Variants in ZNF578 observed in about 807,000 individuals in gnomAD.
The protein encoded by ZNF578 is Putative chemokine-related protein B42.
Under a neutral mutation model 8.3 loss-of-function variants are expected in ZNF578, and 8 were observed. The ratio of observed to expected loss-of-function variants is 0.96; its 90% CI spans 0.56 to 1.74. ZNF578 has a LOEUF of 1.74. ZNF578 is among the 40% of genes most tolerant of loss of function. The probability of loss-of-function intolerance (pLI) is 0.00; values close to 1 mark genes in which losing one functional copy is unlikely to be tolerated. For missense variants in ZNF578, 726 were observed against 707.5 expected (o/e 1.03, Z -0.30); for synonymous variants, 206 against 232.2 (o/e 0.89, Z 1.03).
At chr19:52,478,805 C>T (rs2059316020) in intron 2 of ZNF578, among the ~76,000 whole-genome samples, 1 of 151,960 alleles carries the variant, frequency 6.6e-6, no homozygotes, top group African/African-American at 2.4e-5. Context: ...CCTCTGCCTC[C>T]CGGGTTCAAG....
At chr19:52,503,800 C>CTTTTTTTTTTTTTTTTTTTTTTTTT in intron 4 of ZNF578, among the ~76,000 whole-genome samples, 1 of 125,516 alleles carries the variant, frequency 8.0e-6, no homozygotes, top group Non-Finnish European at 1.7e-5. Context: ...CCTGTGTTTG[C>CTTTTTTTTTTTTTTTTTTTTTTTTT]TTTTTTTTTT....
At chr19:52,475,612 A>T (rs980285853) in intron 2 of ZNF578, among the ~76,000 whole-genome samples, 1 of 152,126 alleles carries the variant, frequency 6.6e-6, no homozygotes, top group Non-Finnish European at 1.5e-5. Context: ...CCGCCTCGGC[A>T]TCTCAAAGTG....
chr19:52,472,021 T>G (rs934032667), intron 2 of ZNF578, among the ~76,000 whole-genome samples: 8 of 152,236 alleles, frequency 5.3e-5, no homozygotes, highest in African/African-American at 1.9e-4. Context: ...TATTACTATA[T>G]TGGTATACTT....
intron 2 of ZNF578, chr19:52,473,349 A>T (rs979159): frequency 0.9 from 157,893 of 174,840 alleles, 71,950 homozygotes; most frequent in Non-Finnish European, 0.96. Context: ...CTGTGATGAT[A>T]TGCAAGATGT....
chr19:52,459,185 T>C (rs1337921143), intron 2 of ZNF578, among the ~76,000 whole-genome samples: 1 of 152,230 alleles, frequency 6.6e-6, no homozygotes, highest in Non-Finnish European at 1.5e-5. Context: ...TTCACGTTAC[T>C]GTGCAACATA....
At chr19:52,494,349 T>C (rs1470590169) in intron 3 of ZNF578, among the ~76,000 whole-genome samples, 5 of 151,936 alleles carry the variant, frequency 3.3e-5, no homozygotes, top group African/African-American at 1.2e-4. Context: ...AAAAAAAATT[T>C]AACGGGGCAT....
At chr19:52,466,064 G>T (rs2059274136) in intron 2 of ZNF578, among the ~76,000 whole-genome samples, 1 of 152,232 alleles carries the variant, frequency 6.6e-6, no homozygotes, top group Admixed American at 6.5e-5. Flanking sequence ...AAAAGGCCCT[G>T]ATCTCTGGTC....
chr19:52,493,660 T>A (rs1458263509), intron 3 of ZNF578, among the ~76,000 whole-genome samples: 1 of 151,494 alleles, frequency 6.6e-6, no homozygotes, highest in African/African-American at 2.4e-5. Flanking sequence ...ATATAGAGAT[T>A]GAGGACGATC....
chr19:52,479,650 T>C (rs2059319330), intron 2 of ZNF578, among the ~76,000 whole-genome samples: 1 of 151,954 alleles, frequency 6.6e-6, no homozygotes, highest in African/African-American at 2.4e-5. Context: ...GGGAAACCAG[T>C]TTTACCATTG....
intron 2 of ZNF578, chr19:52,475,331 TTTTTCTTTC>T (rs1028364431): frequency 8.5e-5 from 17 of 200,252 alleles, no homozygotes; most frequent in Middle Eastern, 6.8e-4. Context: ...CAGAAGAAAT[TTTTTCTTTC>T]TTTTCTTTCT....
Position 52,475,026 on chromosome 19 carries a change from C to A in ZNF578, c.-121-16298C>A, listed in dbSNP as rs186024021. 4 of 191,926 alleles carry A rather than the reference C, an allele frequency of 2.1e-5. No homozygotes were observed. The East Asian group carries it at 5.0e-4, about 24-fold the overall frequency. 11.9% of individuals were successfully genotyped at this position (191,926 alleles called of 1,614,324 possible). A position where few individuals can be genotyped will look rare whatever the true frequency, so the allele number is the denominator to read the frequency against. On this transcript the variant is annotated intron_variant, in intron 2 of 5. Transcript: ENST00000421239. ...CAGATGTTCTGCAAGATGTGAATTG[C>A]GATTAAAGACCTTGCACATTCATTA...
At chr19:52,465,645 G>A (rs1259350710) in intron 2 of ZNF578, among the ~76,000 whole-genome samples, 1 of 152,102 alleles carries the variant, frequency 6.6e-6, no homozygotes, top group Admixed American at 6.5e-5. Context: ...AGGCAACCAA[G>A]GACAAAACTG....
At chr19:52,489,100 C>T (rs961170890) in intron 2 of ZNF578, among the ~76,000 whole-genome samples, 2 of 151,554 alleles carry the variant, frequency 1.3e-5, no homozygotes, top group Non-Finnish European at 2.9e-5. Context: ...CTCCGTCTGC[C>T]CCCCCTAAAA....
intron 3 of ZNF578, among the ~76,000 whole-genome samples, chr19:52,496,853 T>G (rs2122912136): frequency 6.6e-6 from 1 of 151,448 alleles, no homozygotes; most frequent in Middle Eastern, 3.4e-3. Flanking sequence ...GTCAGGCTGG[T>G]CTTGAACACC....
rs1473460420 is a variant in ZNF578, at chr19:52,512,041, C to A, written c.1660C>A (p.Leu554Met). 4 of 1,613,898 alleles carry A rather than the reference C, an allele frequency of 2.5e-6. No homozygotes were observed. The highest frequency in any genetic ancestry group is 3.3e-4 in the Middle Eastern group (2 of 6,084). Residue 554 changes from leucine to methionine, a missense_variant, in exon 6 of 6, where the codon CTG becomes ATG. Coordinates refer to ENST00000421239, the MANE Select transcript of ZNF578 (RefSeq NM_001099694.2). ...CAAGGCTTTCATGTGCCATTCTTAT[C>A]TGGCAAACCATACTAGAATTCATAG... ...CDKAFMCHSY[L>M]ANHTRIHSGE...
intron 1 of ZNF578, chr19:52,456,491 T>TA (rs2122752481): frequency 1.3e-5 from 2 of 152,508 alleles, no homozygotes; most frequent in South Asian, 4.1e-4. Context: ...TGAAAGCTGA[T>TA]ATCGGCCTGT....
chr19:52,472,986 A>T (rs1381867300), intron 2 of ZNF578, among the ~76,000 whole-genome samples: 1 of 152,214 alleles, frequency 6.6e-6, no homozygotes, highest in Admixed American at 6.5e-5. Flanking sequence ...ATATAAGAGA[A>T]CCAGAGACTG....
chr19:52,504,790 A>G lies in ZNF578; in HGVS notation c.190+9A>G. ...GAACCTGGAGGCTGTGGGTGAGGAA[A>G]ATGTCCCTGCAGACATGAGGAGTCT... is the stretch of plus-strand genomic sequence containing the variant. On this transcript the variant is annotated intron_variant, in intron 5 of 5. Coordinates refer to ENST00000421239, the MANE Select transcript of ZNF578 (RefSeq NM_001099694.2). 1 of 1,613,976 alleles carries G rather than the reference A, an allele frequency of 6.2e-7. No homozygotes were observed. Among genetic ancestry groups the G allele is most frequent in the Middle Eastern group, 1.7e-4 (1 of 6,060 alleles).
intron 2 of ZNF578, among the ~76,000 whole-genome samples, chr19:52,477,245 G>A (rs1450019981): frequency 2.6e-5 from 4 of 152,150 alleles, no homozygotes; most frequent in Non-Finnish European, 5.9e-5. Flanking sequence ...CTCTGGCAGG[G>A]AGATCTTATC....
Sources: gnomAD v4.1 joint callset for allele counts (sites outside exome capture counted in the v4.1 genomes callset) on GRCh38, gnomAD v4.1.1 for gene constraint, MANE v1.5 for transcripts, NCBI Gene and HGNC (gene_info 2026-07-23, HGNC 2026-07-21) for gene names.